Variants in CYP4F2 observed in about 807,000 individuals in gnomAD.
CYP4F2 encodes the protein cytochrome P450 4F2.
In CYP4F2, 58 loss-of-function variants were observed where a neutral mutation model predicts 58.9. The ratio of observed to expected loss-of-function variants is 0.98; its 90% CI spans 0.80 to 1.23. The LOEUF (loss-of-function observed/expected upper bound fraction) is 1.23. Among genes scored for constraint, CYP4F2 ranks in the 50% most tolerant of loss-of-function variants. The pLI is 0.00. For missense variants in CYP4F2, 616 were observed against 685.6 expected, an observed-to-expected ratio of 0.90 and a Z score of 1.13; for synonymous variants, 287 against 261.1, an observed-to-expected ratio of 1.10 and a Z score of -0.95.
chr19:15,882,311 C>T (rs1217103023), intron 9 of CYP4F2, among the ~76,000 whole-genome samples: 2 of 151,328 alleles, frequency 1.3e-5, no homozygotes, highest in East Asian at 3.9e-4. Flanking sequence ...TTACCAGAGG[C>T]CAGGGCTGAG....
chr19:15,893,425 C>T (rs2089428378), intron 3 of CYP4F2, among the ~76,000 whole-genome samples: 2 of 152,170 alleles, frequency 1.3e-5, no homozygotes, highest in African/African-American at 4.8e-5. Context: ...AGATAAGCCC[C>T]AAACTTGACC....
intron 7 of CYP4F2, among the ~76,000 whole-genome samples, chr19:15,888,299 G>A (rs1282004722): frequency 2.0e-5 from 3 of 149,904 alleles, no homozygotes; most frequent in African/African-American, 7.4e-5. Flanking sequence ...CATAGATGAA[G>A]TCACAGACTT....
intron 3 of CYP4F2, among the ~76,000 whole-genome samples, 183 bp from the exon 4 acceptor site, chr19:15,892,765 C>T (rs1163519176): frequency 6.6e-6 from 1 of 152,166 alleles, no homozygotes; most frequent in South Asian, 2.1e-4. Context: ...GACCAGGCTA[C>T]AGCAGCACAG....
intron 8 of CYP4F2, 30 bp downstream of exon 8, chr19:15,886,212 C>A (rs2089378575): frequency 6.2e-7 from 1 of 1,613,610 alleles, no homozygotes; most frequent in South Asian, 1.1e-5. Flanking sequence ...GATCCCGGTC[C>A]CCTCTCTAGC....
At chr19:15,885,783 G>A in intron 9 of CYP4F2, 141 bp downstream of exon 9, 1 of 1,326,648 alleles carries the variant, frequency 7.5e-7, no homozygotes, top group Non-Finnish European at 1.0e-6. Flanking sequence ...TGGGTACTAA[G>A]TCCTGCCTGT....
At chr19:15,897,322 AGC>A in intron 2 of CYP4F2, 90 bp downstream of exon 2, 2 of 669,312 alleles carry the variant, frequency 3.0e-6, no homozygotes, top group Non-Finnish European at 2.5e-6. Flanking sequence ...CCCAGATCCC[AGC>A]CCACCCCTTC....
intron 9 of CYP4F2, among the ~76,000 whole-genome samples, chr19:15,884,147 G>T (rs1312336709): frequency 1.3e-5 from 2 of 152,172 alleles, no homozygotes; most frequent in African/African-American, 4.8e-5. Flanking sequence ...AATGTGGCAT[G>T]TATACACAAT....
chr19:15,886,007 A>G lies in CYP4F2; in HGVS notation c.1032T>C (p.Leu344=), dbSNP rs2089376493. 1 of 1,614,110 alleles carries G rather than the reference A, an allele frequency of 6.2e-7. No homozygotes were observed. The highest frequency in any genetic ancestry group is 8.5e-7 in the Non-Finnish European group (1 of 1,180,026). ...ASGLSWVLYH[L]AKHPEYQERC... ...GCTCCTGGTATTCTGGGTGCTTTGCAAGGTGGTACAGGACCCAGGAGAGAC... is the reference window on the plus strand; with the variant it reads ...GCTCCTGGTATTCTGGGTGCTTTGCGAGGTGGTACAGGACCCAGGAGAGAC... Residue 344 remains leucine, a synonymous_variant, in exon 9 of 13, where the codon CTT becomes CTC. Coordinates refer to ENST00000221700, the MANE Select transcript of CYP4F2 (RefSeq NM_001082.5).
Position 15,889,786 on chromosome 19 carries a change from A to C in CYP4F2, c.648-93T>G, listed in dbSNP as rs1290022451. On this transcript the variant is annotated intron_variant, in intron 6 of 12. Coordinates refer to ENST00000221700, the MANE Select transcript of CYP4F2 (RefSeq NM_001082.5). ...CAGCAGCCAGGATCTACCTCCTATCAGTAAACAGAGTATCCAGGAACAGAT... is the reference window on the plus strand; with the variant it reads ...CAGCAGCCAGGATCTACCTCCTATCCGTAAACAGAGTATCCAGGAACAGAT... The C allele has an allele frequency of 2.6e-6, 4 of 1,534,580 alleles. No homozygotes were observed. The East Asian group carries it at 6.8e-5, about 26-fold the overall frequency.
At chr19:15,897,738 G>A (rs2089457309) in intron 1 of CYP4F2, 126 bp from the exon 2 acceptor site, 1 of 1,181,894 alleles carries the variant, frequency 8.5e-7, no homozygotes. Context: ...TCAGGGATGG[G>A]TAAAAAGGGG....
intron 2 of CYP4F2, among the ~76,000 whole-genome samples, chr19:15,896,132 T>C (rs954221490): frequency 6.6e-5 from 10 of 152,242 alleles, no homozygotes; most frequent in Admixed American, 1.3e-4. Context: ...CATGTGTCCA[T>C]GCATCCATCT....
At position 15,894,386 on chromosome 19, in the gene CYP4F2, T is replaced by A. The variant is rs3093125; in HGVS notation, c.343+1120A>T. On this transcript the variant is annotated intron_variant, in intron 3 of 12. Coordinates refer to ENST00000221700, the MANE Select transcript of CYP4F2 (RefSeq NM_001082.5). ...CCAGGAGAAGTAAACCATGGGCCAT[T>A]TCTGGGAACTCTAGGGGAAAGGTGG... Among the ~76,000 whole-genome samples, 747 of 152,208 alleles carry A rather than the reference T, an allele frequency of 4.9e-3. 7 individuals carry two copies. The highest frequency in any genetic ancestry group is 0.017 in the African/African-American group (705 of 41,532).
Position 15,879,584 on chromosome 19 carries a change from C to G in CYP4F2, c.1314+20G>C. 6.2e-7 allele frequency: 1 copy of G among 1,613,762 alleles called. No individual in the cohort carries two copies. Among genetic ancestry groups the G allele is most frequent in the Non-Finnish European group, 8.5e-7 (1 of 1,179,822 alleles). ...CTAGGAGCCTTGGAATGGACAAAAA[C>G]AGAGAGAGGGGCCCCGCACCTCAGG... On this transcript the variant is annotated intron_variant, in intron 11 of 12. Transcript: ENST00000221700.
At chr19:15,895,456 GGA>G (rs772314950) in intron 3 of CYP4F2, 48 bp downstream of exon 3, 2 of 1,459,060 alleles carry the variant, frequency 1.4e-6, no homozygotes, top group Non-Finnish European at 1.8e-6. Flanking sequence ...TGGGGATAGC[GGA>G]AGTGCAGGCC....
rs3093159 is a variant in CYP4F2 at position 15,886,326 on chromosome 19, A to AC, written c.919-19dup. 0.48 allele frequency: 723,649 copies of AC among 1,516,618 alleles called. 155,688 individuals carry two copies. The highest frequency in any genetic ancestry group is 0.49 in the South Asian group (42,642 of 86,608). The allele number at this position is 1,516,618 out of a possible 1,614,324, so 93.9% of individuals were successfully genotyped here. On this transcript the variant is annotated intron_variant, in intron 7 of 12. Transcript: ENST00000221700. ...TCTTCATCCTGGAGAGAAGGCAGTA[A>AC]CCCCCCCCAACCCCCACCCCCATAA...
At chr19:15,893,632 G>C (rs1037999518) in intron 3 of CYP4F2, 1 of 156,770 alleles carries the variant, frequency 6.4e-6, no homozygotes, top group Non-Finnish European at 1.4e-5. Context: ...GGAGGCAATG[G>C]CATCTCCACC....
intron 9 of CYP4F2, among the ~76,000 whole-genome samples, chr19:15,882,951 G>T (rs566486011): frequency 1.6e-4 from 24 of 152,322 alleles, no homozygotes; most frequent in African/African-American, 5.8e-4. Context: ...CACTGCTAAG[G>T]TGGAGCTTAA....
chr19:15,887,688 A>G (rs1394530828), intron 7 of CYP4F2, among the ~76,000 whole-genome samples: 3 of 152,060 alleles, frequency 2.0e-5, no homozygotes, highest in African/African-American at 4.8e-5. Context: ...AGACACAGAT[A>G]TAGACACAGG....
chr19:15,887,506 A>T (rs1373258466), intron 7 of CYP4F2, among the ~76,000 whole-genome samples: 1 of 147,748 alleles, frequency 6.8e-6, no homozygotes, highest in African/African-American at 2.5e-5. Flanking sequence ...ACATAGACAC[A>T]GATATAGACA....
Sources: gnomAD v4.1 joint callset for allele counts (sites outside exome capture counted in the v4.1 genomes callset) on GRCh38, gnomAD v4.1.1 for gene constraint, MANE v1.5 for transcripts, NCBI Gene and HGNC (gene_info 2026-07-23, HGNC 2026-07-21) for gene names.